Variants in CHL1 observed in about 807,000 individuals in gnomAD.
CHL1 encodes neural cell adhesion molecule L1-like protein.
In CHL1, 96 loss-of-function variants were observed where a neutral mutation model predicts 141.9. That is an observed-to-expected ratio of 0.68 (90% CI 0.57 to 0.80). The LOEUF is 0.80. Ranked by LOEUF, CHL1 falls within the 30% of genes least tolerant of loss-of-function variation. The pLI is 0.00. For synonymous variants in CHL1, 613 were observed against 502.2 expected, an observed-to-expected ratio of 1.22 and a Z score of -2.95; for missense variants, 1,820 against 1,457.2, an observed-to-expected ratio of 1.25 and a Z score of -4.05.
intron 1 of CHL1, among the ~76,000 whole-genome samples, chr3:208,406 G>C (rs1271132410): frequency 1.3e-5 from 2 of 151,150 alleles, no homozygotes; most frequent in African/African-American, 4.9e-5. Context: ...CTGGTGAGGA[G>C]AGACAGAAAG....
At chr3:368,947 G>T (rs1408367595) in intron 15 of CHL1, among the ~76,000 whole-genome samples, 1 of 151,786 alleles carries the variant, frequency 6.6e-6, no homozygotes, top group African/African-American at 2.4e-5. Flanking sequence ...TGCTCCATTT[G>T]TCTATATGTC....
At chr3:395,468 G>T (rs1454158750) in intron 24 of CHL1, among the ~76,000 whole-genome samples, 1 of 152,036 alleles carries the variant, frequency 6.6e-6, no homozygotes, top group Non-Finnish European at 1.5e-5. Context: ...TTCCCAAATT[G>T]CATCTCCAGT....
chr3:396,530 T>C (rs1003860931), intron 24 of CHL1, among the ~76,000 whole-genome samples: 1 of 152,184 alleles, frequency 6.6e-6, no homozygotes, highest in Non-Finnish European at 1.5e-5. Context: ...GTTGCATTCG[T>C]GCTTGAGAAA....
intron 20 of CHL1, among the ~76,000 whole-genome samples, chr3:390,416 G>A (rs1197995590): frequency 6.6e-6 from 1 of 152,164 alleles, no homozygotes; most frequent in Non-Finnish European, 1.5e-5. Flanking sequence ...TAATTCACTT[G>A]CTTCCAAAGG....
chr3:400,900 C>CTTTTTTT (rs71058770), intron 26 of CHL1, among the ~76,000 whole-genome samples: 4 of 112,458 alleles, frequency 3.6e-5, no homozygotes, highest in Non-Finnish European at 6.9e-5. Context: ...AAATGACTGC[C>CTTTTTTT]TTTTTTTTTT....
At chr3:316,473 T>A (rs745417741) in intron 2 of CHL1, among the ~76,000 whole-genome samples, 2 of 151,872 alleles carry the variant, frequency 1.3e-5, no homozygotes, top group Non-Finnish European at 2.9e-5. Context: ...GCAGGGATGT[T>A]TTTTTTCCTA....
intron 11 of CHL1, among the ~76,000 whole-genome samples, chr3:357,747 C>A (rs976904014): frequency 1.6e-4 from 24 of 152,198 alleles, no homozygotes; most frequent in African/African-American, 4.6e-4. Context: ...TGCCAACAGG[C>A]AGATTTAAGC....
At chr3:301,800 T>A (rs1698762883) in intron 2 of CHL1, among the ~76,000 whole-genome samples, 1 of 152,206 alleles carries the variant, frequency 6.6e-6, no homozygotes, top group Admixed American at 6.5e-5. Context: ...GTACAGAACA[T>A]GCAGTTTTGA....
chr3:366,227 T>C (rs1460019293), intron 15 of CHL1, 112 bp downstream of exon 15: 3 of 1,008,318 alleles, frequency 3.0e-6, no homozygotes, highest in Non-Finnish European at 4.4e-6. Context: ...TCCCAGCACT[T>C]TGGGAGACCG....
chr3:212,413 C>A (rs2124913974), intron 1 of CHL1, among the ~76,000 whole-genome samples: 1 of 152,264 alleles, frequency 6.6e-6, no homozygotes, highest in African/African-American at 2.4e-5. Context: ...CAACTTTCCC[C>A]TCAATACACT....
chr3:337,881 T>C (rs541879320), intron 5 of CHL1, among the ~76,000 whole-genome samples: 6 of 152,206 alleles, frequency 3.9e-5, no homozygotes, highest in Non-Finnish European at 8.8e-5. Context: ...CCTTTGGGTA[T>C]ATACCCAGTA....
At chr3:230,831 A>G (rs1053453261) in intron 1 of CHL1, among the ~76,000 whole-genome samples, 6 of 152,172 alleles carry the variant, frequency 3.9e-5, no homozygotes, top group Admixed American at 1.3e-4. Flanking sequence ...AGGCTGAACA[A>G]TCTCTTTTTT....
At chr3:259,153 T>C (rs1424963163) in intron 2 of CHL1, among the ~76,000 whole-genome samples, 1 of 152,014 alleles carries the variant, frequency 6.6e-6, no homozygotes. Context: ...ACTCCTGGGC[T>C]CAAGTGATCT....
At chr3:253,178 T>G (rs1171401721) in intron 2 of CHL1, among the ~76,000 whole-genome samples, 1 of 152,166 alleles carries the variant, frequency 6.6e-6, no homozygotes, top group African/African-American at 2.4e-5. Context: ...TTGTACTATA[T>G]TTTACACATG....
At chr3:229,937 T>C (rs1365235511) in intron 1 of CHL1, among the ~76,000 whole-genome samples, 1 of 152,000 alleles carries the variant, frequency 6.6e-6, no homozygotes, top group African/African-American at 2.4e-5. Context: ...AGGGGAAGAG[T>C]CACATCTCCT....
At chr3:343,558 G>A (rs3821621) in intron 8 of CHL1, among the ~76,000 whole-genome samples, 29,438 of 152,120 alleles carry the variant, frequency 0.19, 3,310 homozygotes, top group East Asian at 0.38. Context: ...CCCATAGAAC[G>A]TCTACCAGAA....
At chr3:228,287 G>T (rs987333712) in intron 1 of CHL1, among the ~76,000 whole-genome samples, 13 of 151,540 alleles carry the variant, frequency 8.6e-5, no homozygotes, top group Admixed American at 7.9e-4. Context: ...TTTTCGACAG[G>T]ATTACATTTA....
intron 2 of CHL1, among the ~76,000 whole-genome samples, chr3:252,607 T>C (rs1693810754): frequency 6.6e-6 from 1 of 151,636 alleles, no homozygotes; most frequent in Non-Finnish European, 1.5e-5. Flanking sequence ...CGAGTGAAAA[T>C]TAGATCTCAT....
chr3:343,620 G>A (rs1023134468), intron 8 of CHL1, among the ~76,000 whole-genome samples: 5 of 152,180 alleles, frequency 3.3e-5, no homozygotes, highest in African/African-American at 1.2e-4. Context: ...TAGCAGGCTA[G>A]TTCTCTATAA....
Sources: allele counts gnomAD v4.1 joint callset (sites outside exome capture counted in the v4.1 genomes callset), GRCh38; gene constraint gnomAD v4.1.1; transcripts MANE v1.5; gene names NCBI Gene and HGNC (gene_info 2026-07-23, HGNC 2026-07-21).